The following ITPR1 variants were observed in gnomAD, a reference collection of about 807,000 sequenced individuals.
The protein encoded by ITPR1 is inositol 1,4,5-trisphosphate receptor type 1.
Under a neutral mutation model 318.4 loss-of-function variants are expected in ITPR1, and 96 were observed. The ratio of observed to expected loss-of-function variants is 0.30; its 90% confidence interval spans 0.26 to 0.36. The LOEUF (loss-of-function observed/expected upper bound fraction) is 0.36, where lower values mean the gene tolerates loss of function less well. Among genes scored for constraint, ITPR1 ranks in the 10% least tolerant of loss-of-function variants. The pLI, the probability that ITPR1 is intolerant of heterozygous loss-of-function variation, is 1.00. For synonymous variants in ITPR1, 1,312 were observed against 1,289.9 expected, an observed-to-expected ratio of 1.02 and a Z score of -0.37; for missense variants, 2,440 against 3,460.2, an observed-to-expected ratio of 0.71 and a Z score of 7.40.
At chr3:4,582,518 C>G (rs1207592815) in intron 4 of ITPR1, among the ~76,000 whole-genome samples, 1 of 152,110 alleles carries the variant, frequency 6.6e-6, no homozygotes, top group African/African-American at 2.4e-5. Context: ...GTGTGCTTCT[C>G]TATTCTGCTG....
chr3:4,589,785 A>C (rs1468725420), intron 4 of ITPR1, among the ~76,000 whole-genome samples: 1 of 152,134 alleles, frequency 6.6e-6, no homozygotes, highest in Non-Finnish European at 1.5e-5. Context: ...ATGCAAAACG[A>C]ACAAAACAAA....
chr3:4,586,946 C>A (rs112432709), intron 4 of ITPR1, among the ~76,000 whole-genome samples: 1 of 152,040 alleles, frequency 6.6e-6, no homozygotes, highest in Non-Finnish European at 1.5e-5. Context: ...AGGTCTCCGA[C>A]CTGCGGGTTC....
intron 4 of ITPR1, among the ~76,000 whole-genome samples, chr3:4,603,807 A>G (rs1051750831): frequency 2.0e-5 from 3 of 152,128 alleles, no homozygotes; most frequent in East Asian, 1.9e-4. Flanking sequence ...TGAACGTACG[A>G]GTGCGTGTGT....
intron 52 of ITPR1, among the ~76,000 whole-genome samples, chr3:4,791,473 A>C (rs1269522985): frequency 6.6e-6 from 1 of 152,026 alleles, no homozygotes; most frequent in East Asian, 1.9e-4. Flanking sequence ...TCCTGTGAGC[A>C]TCTGATGCCC....
chr3:4,709,657 C>T (rs2094829864), intron 37 of ITPR1, among the ~76,000 whole-genome samples: 1 of 152,174 alleles, frequency 6.6e-6, no homozygotes, highest in Non-Finnish European at 1.5e-5. Flanking sequence ...GGTTTTGCTG[C>T]TCTTTCAACT....
intron 60 of ITPR1, chr3:4,825,853 GGA>G (rs1559963813): frequency 4.4e-6 from 2 of 455,532 alleles, no homozygotes; most frequent in Non-Finnish European, 8.8e-6. Context: ...GCTGGTGGGA[GGA>G]GAGTTTCCTG....
chr3:4,540,973 A>G (rs1482969351), intron 4 of ITPR1, among the ~76,000 whole-genome samples: 2 of 151,912 alleles, frequency 1.3e-5, no homozygotes, highest in Non-Finnish European at 2.9e-5. Context: ...TTTTTTTAAT[A>G]GAAGTTACCT....
intron 46 of ITPR1, among the ~76,000 whole-genome samples, chr3:4,770,175 A>G (rs2046096969): frequency 1.3e-5 from 2 of 152,178 alleles, no homozygotes; most frequent in South Asian, 2.1e-4. Flanking sequence ...ACAGCCTTTA[A>G]ATATTTACCT....
chr3:4,513,225 C>T (rs2081962176), intron 2 of ITPR1, among the ~76,000 whole-genome samples: 1 of 152,204 alleles, frequency 6.6e-6, no homozygotes. Flanking sequence ...CCCTCCACAC[C>T]ACAGAGGCCT....
intron 57 of ITPR1, among the ~76,000 whole-genome samples, chr3:4,814,043 C>G (rs2049115013): frequency 6.6e-6 from 1 of 152,198 alleles, no homozygotes; most frequent in Admixed American, 6.5e-5. Context: ...AGTGAGGAAC[C>G]TGTGTCCTGT....
At chr3:4,792,332 G>A (rs756035402) in intron 52 of ITPR1, among the ~76,000 whole-genome samples, 3 of 152,322 alleles carry the variant, frequency 2.0e-5, no homozygotes, top group African/African-American at 2.4e-5. Flanking sequence ...AGGGGGGCAC[G>A]TTATTTGGCT....
chr3:4,627,455 C>T (rs982776795), intron 4 of ITPR1, among the ~76,000 whole-genome samples: 5 of 152,006 alleles, frequency 3.3e-5, no homozygotes, highest in Admixed American at 1.3e-4. Flanking sequence ...CAGAGGGAGA[C>T]TCAGTCTTAA....
At chr3:4,612,734 A>G (rs1408766882) in intron 4 of ITPR1, among the ~76,000 whole-genome samples, 4 of 152,038 alleles carry the variant, frequency 2.6e-5, no homozygotes, top group Non-Finnish European at 4.4e-5. Flanking sequence ...TAAAAATACA[A>G]AAATTAGCCA....
intron 4 of ITPR1, among the ~76,000 whole-genome samples, chr3:4,591,737 C>T (rs1299333849): frequency 1.3e-5 from 2 of 152,142 alleles, no homozygotes; most frequent in Non-Finnish European, 2.9e-5. Context: ...AGCTTATGAT[C>T]ACTTGTAGTA....
intron 4 of ITPR1, among the ~76,000 whole-genome samples, chr3:4,620,559 C>T (rs1275804702): frequency 1.3e-5 from 2 of 152,116 alleles, no homozygotes; most frequent in African/African-American, 2.4e-5. Context: ...CCTCACTTTA[C>T]TTCATCTGTC....
intron 41 of ITPR1, among the ~76,000 whole-genome samples, chr3:4,726,246 T>A (rs1050765603): frequency 6.6e-6 from 1 of 151,466 alleles, no homozygotes; most frequent in African/African-American, 2.4e-5. Flanking sequence ...GCCAGCCTGG[T>A]CTCAAACTCC....
intron 31 of ITPR1, among the ~76,000 whole-genome samples, chr3:4,690,761 A>G (rs1027491100): frequency 1.3e-5 from 2 of 152,230 alleles, no homozygotes; most frequent in Admixed American, 6.5e-5. Context: ...TGGAACTTAC[A>G]TATCAGTGAA....
intron 4 of ITPR1, among the ~76,000 whole-genome samples, chr3:4,595,752 G>A (rs908187716): frequency 6.6e-6 from 1 of 152,152 alleles, no homozygotes; most frequent in Non-Finnish European, 1.5e-5. Flanking sequence ...AAGGTCGCAT[G>A]GCACCAAGAC....
At chr3:4,776,321 C>T (rs746369768) in intron 47 of ITPR1, among the ~76,000 whole-genome samples, 12 of 152,176 alleles carry the variant, frequency 7.9e-5, no homozygotes, top group Non-Finnish European at 1.5e-4. Context: ...CCACCCACCT[C>T]GGCTTGCCAA....
Sources: allele counts gnomAD v4.1 joint callset (sites outside exome capture counted in the v4.1 genomes callset), GRCh38; gene constraint gnomAD v4.1.1; transcripts MANE v1.5; gene names NCBI Gene and HGNC (gene_info 2026-07-23, HGNC 2026-07-21).